Variants in PDK1 observed in about 807,000 individuals in gnomAD.
PDK1 encodes the protein pyruvate dehydrogenase kinase 1.
Under a neutral mutation model 54.2 loss-of-function variants are expected in PDK1, and 39 were observed. The observed-to-expected ratio is 0.72, with a 90% CI of 0.56 to 0.94. The LOEUF (loss-of-function observed/expected upper bound fraction) is 0.94, where lower values mean the gene tolerates loss of function less well. Among genes scored for constraint, PDK1 ranks in the 40% least tolerant of loss-of-function variants. The pLI, the probability that PDK1 is intolerant of heterozygous loss-of-function variation, is 0.00. For missense variants in PDK1, 552 were observed against 566.0 expected (o/e 0.98, Z 0.25); for synonymous variants, 221 against 207.1 (o/e 1.07, Z -0.58).
intron 9 of PDK1, among the ~76,000 whole-genome samples, chr2:172,590,946 A>G (rs1406323705): frequency 2.0e-5 from 3 of 151,866 alleles, no homozygotes; most frequent in African/African-American, 7.3e-5. Context: ...GTATACCCCA[A>G]CTGTTGTTGG....
At chr2:172,562,093 C>G (rs1256797110) in intron 2 of PDK1, 127 bp from the exon 3 acceptor site, 3 of 555,086 alleles carry the variant, frequency 5.4e-6, no homozygotes, top group Non-Finnish European at 9.5e-6. Context: ...ATACTTCAAC[C>G]ATAATTTATA....
At chr2:172,667,692 A>G in the PDK1 span, among the ~76,000 whole-genome samples, 1 of 152,248 alleles carries the variant, frequency 6.6e-6, no homozygotes, top group Non-Finnish European at 1.5e-5. Context: ...AAGCTAATTC[A>G]TAAGGTAATT....
At chr2:172,654,966 G>C in the PDK1 span, among the ~76,000 whole-genome samples, 1 of 152,112 alleles carries the variant, frequency 6.6e-6, no homozygotes, top group East Asian at 1.9e-4. Flanking sequence ...GTTATACTCA[G>C]TACTGCCTTG....
At position 172,596,280 on chromosome 2, in the gene PDK1, T is replaced by A. The variant is rs1690889399; in HGVS notation, c.*311T>A. The A allele has an allele frequency of 5.4e-6, 1 of 183,810 alleles. No individual in the cohort carries two copies. Among genetic ancestry groups the A allele is most frequent in the Non-Finnish European group, 1.1e-5 (1 of 88,788 alleles). The allele number at this position is 183,810 out of a possible 1,614,324, so 11.4% of individuals were successfully genotyped here. ...TCGGGTTTCTATAGGAAACTAGTTT[T>A]TTTTTTTTAAGAAATACTTTCATTT... is the stretch of plus-strand genomic sequence containing the variant. On this transcript the variant is annotated 3_prime_UTR_variant, in exon 11 of 11. Transcript: ENST00000282077.
chr2:172,702,997 T>C, the PDK1 span, among the ~76,000 whole-genome samples: 3 of 151,854 alleles, frequency 2.0e-5, no homozygotes, highest in Non-Finnish European at 2.9e-5. Flanking sequence ...GGAAAAAAAA[T>C]ATTTTTGCAT....
the PDK1 span, among the ~76,000 whole-genome samples, chr2:172,667,143 G>A: frequency 6.6e-6 from 1 of 152,036 alleles, no homozygotes; most frequent in Non-Finnish European, 1.5e-5. Context: ...CCTTTCAAGG[G>A]AACTAGAAAA....
chr2:172,698,961 G>A, the PDK1 span, among the ~76,000 whole-genome samples: 9 of 152,136 alleles, frequency 5.9e-5, no homozygotes, highest in African/African-American at 2.2e-4. Context: ...AAAGGGGGGT[G>A]AGATTTAAGG....
the PDK1 span, among the ~76,000 whole-genome samples, chr2:172,663,795 C>T: frequency 1.3e-5 from 2 of 152,222 alleles, no homozygotes; most frequent in South Asian, 4.1e-4. Context: ...CCTTTTAACC[C>T]AATAAAACCC....
the PDK1 span, among the ~76,000 whole-genome samples, chr2:172,616,482 A>G: frequency 1.3e-5 from 2 of 152,220 alleles, no homozygotes; most frequent in Non-Finnish European, 1.5e-5. Flanking sequence ...AAAAAAACCA[A>G]CACGAACAAA....
At chr2:172,720,039 A>G in the PDK1 span, among the ~76,000 whole-genome samples, 1 of 149,754 alleles carries the variant, frequency 6.7e-6, no homozygotes, top group African/African-American at 2.5e-5. Context: ...ATAGGGGTTG[A>G]GTTTATCTAG....
At chr2:172,565,349 G>GCT (rs1423200050) in intron 5 of PDK1, among the ~76,000 whole-genome samples, 1 of 152,082 alleles carries the variant, frequency 6.6e-6, no homozygotes, top group African/African-American at 2.4e-5. Context: ...TGTTGCCCAG[G>GCT]CTGGAGTGCA....
chr2:172,614,429 G>C, the PDK1 span, among the ~76,000 whole-genome samples: 1 of 152,330 alleles, frequency 6.6e-6, no homozygotes, highest in African/African-American at 2.4e-5. Context: ...CCTGGGCTCA[G>C]CCAGAGCAGG....
the PDK1 span, among the ~76,000 whole-genome samples, chr2:172,683,219 C>A: frequency 5.3e-5 from 8 of 151,778 alleles, no homozygotes; most frequent in Non-Finnish European, 1.0e-4. Flanking sequence ...TGGTGGCAGG[C>A]GCCTATAGTC....
chr2:172,575,824 A>AAAT (rs1365105645), intron 8 of PDK1, among the ~76,000 whole-genome samples: 1 of 152,184 alleles, frequency 6.6e-6, no homozygotes, highest in South Asian at 2.1e-4. Flanking sequence ...TCTTTGTCTC[A>AAAT]AATAATAATA....
the PDK1 span, among the ~76,000 whole-genome samples, chr2:172,641,629 A>T: frequency 3.3e-5 from 5 of 151,972 alleles, no homozygotes; most frequent in Non-Finnish European, 7.4e-5. Flanking sequence ...TTTTTAGTAC[A>T]GATGGGGTTT....
chr2:172,609,691 AT>A (rs376079150), downstream of PDK1, among the ~76,000 whole-genome samples: 13 of 152,354 alleles, frequency 8.5e-5, no homozygotes, highest in African/African-American at 3.1e-4. Flanking sequence ...AGAACGCATG[AT>A]TATCCTGCTG....
chr2:172,668,904 T>TAGAG, the PDK1 span, among the ~76,000 whole-genome samples: 15 of 69,840 alleles, frequency 2.1e-4, no homozygotes, highest in African/African-American at 7.6e-4. Context: ...CATATATATA[T>TAGAG]ATAGAGAGAG....
chr2:172,556,192 C>A lies in PDK1; in HGVS notation c.42C>A (p.Gly14=), dbSNP rs2149168892. The A allele has an allele frequency of 7.0e-7, 1 of 1,419,522 alleles. No homozygotes were observed. Among genetic ancestry groups the A allele is most frequent in the Non-Finnish European group, 9.1e-7 (1 of 1,093,892 alleles). The allele number at this position is 1,419,522 out of a possible 1,614,324, so 87.9% of individuals were successfully genotyped here. ...TGCTTCGCGGAGCCGCCTTGGCCGG[C>A]CCGGGCCCGGGGCTGCGCGCCGCCG... ...ARLLRGAALA[G]PGPGLRAAGF... The change falls in exon 1 of 11, where the codon GGC becomes GGA. Residue 14 remains glycine (G), a synonymous_variant. Coordinates refer to ENST00000282077, the MANE Select transcript of PDK1 (RefSeq NM_002610.5).
the PDK1 span, among the ~76,000 whole-genome samples, chr2:172,694,400 T>G: frequency 6.6e-6 from 1 of 152,150 alleles, no homozygotes; most frequent in East Asian, 1.9e-4. Context: ...ATACAGCAGG[T>G]CCTCAAATAG....
Sources: allele counts gnomAD v4.1 joint callset (sites outside exome capture counted in the v4.1 genomes callset), GRCh38; gene constraint gnomAD v4.1.1; transcripts MANE v1.5; gene names NCBI Gene and HGNC (gene_info 2026-07-23, HGNC 2026-07-21).